The following DPYS variants were observed in gnomAD, a reference collection of about 807,000 sequenced individuals.
The protein encoded by DPYS is dihydropyrimidine amidohydrolase.
A neutral mutation model predicts 50.3 loss-of-function variants in DPYS; 39 were observed. That is an observed-to-expected ratio of 0.78 (90% CI 0.60 to 1.01). The LOEUF is 1.01. DPYS is among the 50% of genes least tolerant of loss of function. The pLI, the probability that DPYS is intolerant of heterozygous loss-of-function variation, is 0.00. For missense variants in DPYS, 659 were observed against 680.9 expected, an observed-to-expected ratio of 0.97 and a Z score of 0.36; for synonymous variants, 245 against 250.7, an observed-to-expected ratio of 0.98 and a Z score of 0.22.
chr8:104,457,804 T>C (rs1037903235), intron 1 of DPYS, among the ~76,000 whole-genome samples: 1 of 152,194 alleles, frequency 6.6e-6, no homozygotes, highest in Non-Finnish European at 1.5e-5. Context: ...CTTGGCTTCT[T>C]GCCTCCCTAA....
At chr8:104,424,936 C>A (rs1812672077) in intron 6 of DPYS, among the ~76,000 whole-genome samples, 1 of 150,254 alleles carries the variant, frequency 6.7e-6, no homozygotes. Flanking sequence ...AAGCGATTCT[C>A]CTGCCTCAGC....
chr8:104,440,175 A>G (rs1460663484), intron 4 of DPYS, among the ~76,000 whole-genome samples: 1 of 152,242 alleles, frequency 6.6e-6, no homozygotes, highest in African/African-American at 2.4e-5. Flanking sequence ...ACAAGCTGTT[A>G]GTTGTTATCA....
At chr8:104,384,362 T>C (rs576784692) in intron 8 of DPYS, among the ~76,000 whole-genome samples, 1 of 152,354 alleles carries the variant, frequency 6.6e-6, no homozygotes, top group East Asian at 1.9e-4. Flanking sequence ...GTGCTGTCTG[T>C]CACTTCTGGC....
intron 8 of DPYS, among the ~76,000 whole-genome samples, chr8:104,388,721 T>G (rs1811293728): frequency 6.6e-6 from 1 of 152,240 alleles, no homozygotes; most frequent in African/African-American, 2.4e-5. Context: ...TAGGATCAGC[T>G]GTCTACATTT....
intron 9 of DPYS, 139 bp from the exon 10 acceptor site, chr8:104,379,982 T>C (rs537100316): frequency 1.7e-4 from 56 of 328,046 alleles, no homozygotes; most frequent in Non-Finnish European, 3.4e-4. Flanking sequence ...TAGCATGTTA[T>C]AGCATTGAAT....
At chr8:104,393,462 A>G (rs1029450862) in intron 7 of DPYS, among the ~76,000 whole-genome samples, 1 of 152,156 alleles carries the variant, frequency 6.6e-6, no homozygotes. Context: ...TGCCTTCCCA[A>G]AGGAAATAGC....
chr8:104,389,733 A>G (rs570514143), intron 8 of DPYS, among the ~76,000 whole-genome samples: 1 of 152,332 alleles, frequency 6.6e-6, no homozygotes, highest in East Asian at 1.9e-4. Flanking sequence ...TGGATTAAGT[A>G]AAATAATGAA....
chr8:104,456,526 T>C (rs1379803086), intron 1 of DPYS, among the ~76,000 whole-genome samples: 1 of 152,178 alleles, frequency 6.6e-6, no homozygotes, highest in African/African-American at 2.4e-5. Context: ...TCTTGTTCTG[T>C]TTCTTATCCC....
chr8:104,397,978 C>T (rs1169297717), intron 7 of DPYS, among the ~76,000 whole-genome samples: 1 of 152,224 alleles, frequency 6.6e-6, no homozygotes, highest in Non-Finnish European at 1.5e-5. Context: ...TGTTTAAAAT[C>T]TATGCATTTG....
chr8:104,428,036 G>C lies in DPYS; in HGVS notation c.1036C>G (p.Pro346Ala). 1 of 1,614,178 alleles carries C rather than the reference G, an allele frequency of 6.2e-7. No individual in the cohort carries two copies. The highest frequency in any genetic ancestry group is 1.3e-5 in the African/African-American group (1 of 75,044). The change falls in exon 6 of 10, where the codon CCC (proline) becomes GCC (alanine). Residue 346 changes from proline to alanine, a missense_variant. Pro to Ala is a conservative substitution (Grantham distance 27). Coordinates refer to ENST00000351513, the MANE Select transcript of DPYS (RefSeq NM_001385.3). ...ALGKDDFTKI[P>A]NGVNGVEDRM... ...TCTTCAACACCATTCACCCCATTGG[G>C]GATCTTGGTAAAATCATCCTTCCCA...
At position 104,465,612 on chromosome 8, in the gene DPYS, G is replaced by A. The variant is rs1183405950; in HGVS notation, c.264+1045C>T. Among the ~76,000 whole-genome samples the A allele has an allele frequency of 2.6e-5, 4 of 152,218 alleles. No individual in the cohort carries two copies. In the South Asian group the frequency reaches 6.2e-4, roughly 24 times the overall value. On this transcript the variant is annotated intron_variant, in intron 1 of 9. Transcript: ENST00000351513. ...AGCTTTGGGGAAATGTTGCAGGGGT[G>A]TCCAATCTTTGGCTTCTCTTGTCTT...
intron 1 of DPYS, among the ~76,000 whole-genome samples, chr8:104,464,976 A>AT (rs1814308887): frequency 6.6e-6 from 1 of 152,234 alleles, no homozygotes; most frequent in South Asian, 2.1e-4. Flanking sequence ...GTCCTACAAA[A>AT]GACTTTATTG....
intron 9 of DPYS, chr8:104,380,747 A>G (rs888871792): frequency 1.8e-5 from 3 of 169,146 alleles, no homozygotes; most frequent in African/African-American, 7.1e-5. Context: ...TATCCCCTAA[A>G]GCAACATTTT....
At chr8:104,420,716 A>C (rs1459605127) in intron 7 of DPYS, 2 of 151,476 alleles carry the variant, frequency 1.3e-5, no homozygotes, top group African/African-American at 4.8e-5. Context: ...AAAAAAAAAA[A>C]ACGATAAAAC....
intron 7 of DPYS, among the ~76,000 whole-genome samples, chr8:104,410,654 A>G (rs1013809730): frequency 5.3e-5 from 8 of 152,152 alleles, no homozygotes; most frequent in Non-Finnish European, 1.0e-4. Context: ...CAAATTGGGA[A>G]GCACAGATTT....
At chr8:104,392,650 C>A in intron 8 of DPYS, 134 bp downstream of exon 8, 1 of 1,101,364 alleles carries the variant, frequency 9.1e-7, no homozygotes, top group Non-Finnish European at 1.4e-6. Context: ...TCTCTCATAT[C>A]AATCCTGACA....
chr8:104,422,229 A>G (rs1474448520), intron 7 of DPYS, among the ~76,000 whole-genome samples: 1 of 152,232 alleles, frequency 6.6e-6, no homozygotes, highest in Non-Finnish European at 1.5e-5. Flanking sequence ...GTCTCACCAC[A>G]CAATAAAGTA....
chr8:104,413,166 T>C (rs370468799), intron 7 of DPYS, among the ~76,000 whole-genome samples: 12 of 152,104 alleles, frequency 7.9e-5, no homozygotes, highest in African/African-American at 2.9e-4. Flanking sequence ...GAATATATCA[T>C]CAATTATGGT....
chr8:104,428,088 G>A lies in DPYS; in HGVS notation c.984C>T (p.Cys328=), dbSNP rs773904550. ...GAGCTTTCTGGCAGGTGTTGAAAGT[G>A]CAGTTATCAGTCCCTGTTGTGGTTA... is the stretch of plus-strand genomic sequence containing the variant. ...DDLTTTGTDN[C]TFNTCQKALG... Residue 328 remains cysteine (C), a synonymous_variant, in exon 6 of 10, where the codon TGC becomes TGT. Coordinates refer to ENST00000351513, the MANE Select transcript of DPYS (RefSeq NM_001385.3). 6.2e-7 allele frequency: 1 copy of A among 1,614,088 alleles called. No homozygotes were observed.
Sources: gnomAD v4.1 joint callset for allele counts (sites outside exome capture counted in the v4.1 genomes callset) on GRCh38, gnomAD v4.1.1 for gene constraint, MANE v1.5 for transcripts, NCBI Gene and HGNC (gene_info 2026-07-23, HGNC 2026-07-21) for gene names.